MICAL3: variants seen among roughly 807,000 people sequenced by gnomAD.
MICAL3 encodes the protein [F-actin]-monooxygenase MICAL3.
Under a neutral mutation model 207.4 loss-of-function variants are expected in MICAL3, and 62 were observed. That is an observed-to-expected ratio of 0.30 (90% CI 0.24 to 0.37). The LOEUF is 0.37. Ranked by LOEUF, MICAL3 falls within the 10% of genes least tolerant of loss-of-function variation. The pLI, the probability that MICAL3 is intolerant of heterozygous loss-of-function variation, is 1.00. For synonymous variants in MICAL3, 1,077 were observed against 1,069.3 expected (o/e 1.01, Z -0.14); for missense variants, 2,368 against 2,635.6 (o/e 0.90, Z 2.22).
chr22:17,851,364 C>CT (rs1224698384), intron 19 of MICAL3, among the ~76,000 whole-genome samples: 2 of 152,140 alleles, frequency 1.3e-5, no homozygotes, highest in African/African-American at 4.8e-5. Flanking sequence ...CCTTGAAGGG[C>CT]TTTTATACAC....
At chr22:17,815,973 A>G (rs1920983768) in intron 27 of MICAL3, among the ~76,000 whole-genome samples, 1 of 152,254 alleles carries the variant, frequency 6.6e-6, no homozygotes, top group Non-Finnish European at 1.5e-5. Context: ...AAAGGGAGGC[A>G]GGAAGCAGGA....
Position 17,980,757 on chromosome 22 carries a change from C to T in MICAL3, c.-75+43524G>A, listed in dbSNP as rs147998496. 72 of 453,868 alleles carry T rather than the reference C, an allele frequency of 1.6e-4. No homozygotes were observed. The East Asian group carries it at 2.9e-3, about 19-fold the overall frequency. 28.1% of individuals were successfully genotyped at this position (453,868 alleles called of 1,614,324 possible). ...TGCCACAGTTTCCGTCTTATCATTC[C>T]GCCCGTCTTATCATTCCGCGGCAGC... On this transcript the variant is annotated intron_variant, in intron 1 of 31. Coordinates refer to ENST00000441493, the MANE Select transcript of MICAL3 (RefSeq NM_015241.3).
At chr22:17,794,394 G>A (rs1044310363) in intron 29 of MICAL3, among the ~76,000 whole-genome samples, 7 of 152,280 alleles carry the variant, frequency 4.6e-5, no homozygotes, top group African/African-American at 1.4e-4. Flanking sequence ...CCACAGGTAT[G>A]TGCCTGAGGC....
chr22:17,864,559 A>G, intron 19 of MICAL3: 1 of 1,453,286 alleles, frequency 6.9e-7, no homozygotes, highest in East Asian at 2.5e-5. Flanking sequence ...GCTCCTGTCT[A>G]CCTACACAGG....
chr22:17,864,807 G>A (rs1482946905), intron 19 of MICAL3, 92 bp downstream of exon 19: 2 of 1,613,834 alleles, frequency 1.2e-6, no homozygotes, highest in African/African-American at 2.7e-5. Flanking sequence ...ATGAAGAAAT[G>A]TTGCTTTGGA....
chr22:17,871,981 C>A lies in MICAL3; in HGVS notation c.2284G>T (p.Asp762Tyr). Residue 762 changes from aspartate (D) to tyrosine (Y), a missense_variant, in exon 17 of 32, where the codon GAC becomes TAC. Physicochemically the swap from Asp to Tyr is radical, Grantham distance 160. This residue lies in a region of MICAL3 where 1,770 missense variants were observed against 1,863.2 expected (regional missense o/e 0.95). Transcript: ENST00000441493. The stretch of plus-strand genomic sequence containing the variant: ...CGCTTCTGGCAGAAGTAGCATGTGT[C>A]GCTGCCTCCCAGGTTCTGCGGGAAC... ...KEFPQNLGGS[D>Y]TCYFCQKRVY... 1 of 1,610,650 alleles carries A rather than the reference C, an allele frequency of 6.2e-7. No individual in the cohort carries two copies. The highest frequency in any genetic ancestry group is 8.5e-7 in the Non-Finnish European group (1 of 1,178,688).
At chr22:17,962,228 G>GT (rs1257437898) in intron 1 of MICAL3, among the ~76,000 whole-genome samples, 1 of 151,508 alleles carries the variant, frequency 6.6e-6, no homozygotes, top group Non-Finnish European at 1.5e-5. Context: ...GAAAACTAAC[G>GT]TAAGTGCGAA....
chr22:17,901,874 A>G lies in MICAL3; in HGVS notation c.691+4T>C, dbSNP rs1175428691. ...GAGCCAGGCAGAGGAGCACAGACCAATACCTTCCAAGGTGTTCCTCCGACC... is the reference window on the plus strand; with the variant it reads ...GAGCCAGGCAGAGGAGCACAGACCAGTACCTTCCAAGGTGTTCCTCCGACC... On this transcript the variant is annotated splice_donor_region_variant and intron_variant, in intron 5 of 31. Coordinates refer to ENST00000441493, the MANE Select transcript of MICAL3 (RefSeq NM_015241.3). 6.2e-7 allele frequency: 1 copy of G among 1,610,642 alleles called. No homozygotes were observed. Among genetic ancestry groups the G allele is most frequent in the Admixed American group, 1.7e-5 (1 of 60,020 alleles).
intron 19 of MICAL3, chr22:17,864,286 A>G (rs1926823621): frequency 9.3e-7 from 1 of 1,075,078 alleles, no homozygotes; most frequent in African/African-American, 1.6e-5. Flanking sequence ...GGACCTCATG[A>G]CAAGCCCAGT....
At position 17,893,814 on chromosome 22, in the gene MICAL3, G is replaced by T. The variant is rs770576459; in HGVS notation, c.1540C>A (p.Arg514Ser). The change falls in exon 11 of 32, where the codon CGC (arginine) becomes AGC (serine). Residue 514 changes from arginine to serine, a missense_variant. Physicochemically the swap from Arg to Ser is moderately radical, Grantham distance 110 (BLOSUM62 -1). This residue lies in a region of MICAL3 where 147 missense variants were observed against 137.7 expected (regional missense o/e 1.07). Transcript: ENST00000441493. ...AGCCACCACCAGAACTCACCATTGC[G>T]AGTCAATTTGGGGGTGGTTCGGGAA... ...VNSRTTPKLT[R>S]NESVARSSKL... 5.1e-6 allele frequency: 8 copies of T among 1,570,192 alleles called. No individual in the cohort carries two copies. Among genetic ancestry groups the T allele is most frequent in the East Asian group, 2.3e-5 (1 of 42,860 alleles).
At chr22:17,976,965 C>CA in intron 1 of MICAL3, among the ~76,000 whole-genome samples, 1 of 152,096 alleles carries the variant, frequency 6.6e-6, no homozygotes, top group South Asian at 2.1e-4. Flanking sequence ...CGCCACCATG[C>CA]CCGGCTAATT....
At chr22:17,853,800 A>G (rs1925592523) in intron 19 of MICAL3, among the ~76,000 whole-genome samples, 1 of 152,238 alleles carries the variant, frequency 6.6e-6, no homozygotes, top group African/African-American at 2.4e-5. Flanking sequence ...AAGGGTGTGC[A>G]CATCCACTGG....
chr22:17,903,161 C>A (rs1230067662), intron 3 of MICAL3, among the ~76,000 whole-genome samples: 8 of 152,214 alleles, frequency 5.3e-5, no homozygotes, highest in African/African-American at 1.2e-4. Context: ...TGCTGCATGA[C>A]CTCCCCGCCC....
chr22:17,806,149 T>C lies in MICAL3; in HGVS notation c.5650+2695A>G, dbSNP rs779538995. 1.1e-4 allele frequency among the ~76,000 whole-genome samples: 16 copies of C among 152,262 alleles called. 1 individual carries two copies. The highest frequency in any genetic ancestry group is 2.4e-4 in the Non-Finnish European group (16 of 68,048). On this transcript the variant is annotated intron_variant, in intron 29 of 31. Transcript: ENST00000441493. ...TCAAGTTTCCGCCTCTCTCTGTGTG[T>C]AAGTGGCTGAACTCCCTGTAAATGT...
intron 1 of MICAL3, among the ~76,000 whole-genome samples, chr22:17,937,684 T>C (rs541005370): frequency 1.7e-4 from 26 of 152,212 alleles, no homozygotes; most frequent in African/African-American, 6.3e-4. Context: ...TTAACAATAA[T>C]AAAAAAGATG....
At chr22:17,861,311 A>T (rs1385832301) in intron 19 of MICAL3, 1 of 983,884 alleles carries the variant, frequency 1.0e-6, no homozygotes, top group Non-Finnish European at 1.2e-6. Context: ...ATGTCTGGGG[A>T]CAGGGGTCAG....
chr22:17,886,091 G>C (rs748932818), intron 15 of MICAL3, 40 bp from the exon 16 acceptor site: 6 of 1,607,450 alleles, frequency 3.7e-6, no homozygotes, highest in Admixed American at 1.7e-5. Flanking sequence ...CGCTGTGACA[G>C]GAGGCTCCCC....
intron 25 of MICAL3, among the ~76,000 whole-genome samples, chr22:17,820,965 AATTTAT>A (rs1197849555): frequency 7.0e-6 from 1 of 142,740 alleles, no homozygotes; most frequent in African/African-American, 2.6e-5. Flanking sequence ...AATTTTAATA[AATTTAT>A]ATTTATAAAC....
rs188431367 is a variant in MICAL3, at chr22:17,866,686, A to C, written c.2429-674T>G. 3.9e-5 allele frequency among the ~76,000 whole-genome samples: 6 copies of C among 152,380 alleles called. No individual in the cohort carries two copies. The East Asian group carries it at 5.8e-4, about 15-fold the overall frequency. Reference sequence around the variant, plus strand: ...AATAGAATATAGAATAGAATAGAATAGAATCCAGAGTGTACTGTGGCATGA... The same window carrying C: ...AATAGAATATAGAATAGAATAGAATCGAATCCAGAGTGTACTGTGGCATGA... On this transcript the variant is annotated intron_variant, in intron 17 of 31. Transcript: ENST00000441493.
Sources: gnomAD v4.1 joint callset for allele counts (sites outside exome capture counted in the v4.1 genomes callset) on GRCh38, gnomAD v4.1.1 for gene constraint, gnomAD v4.1.1 regional missense constraint, MANE v1.5 for transcripts, NCBI Gene and HGNC (gene_info 2026-07-23, HGNC 2026-07-21) for gene names.